RANBP10: variants seen among roughly 807,000 people sequenced by gnomAD.
RANBP10 encodes ran-binding protein 10.
A neutral mutation model predicts 72.8 loss-of-function variants in RANBP10; 24 were observed. The observed-to-expected ratio is 0.33, with a 90% CI of 0.24 to 0.46. The LOEUF (loss-of-function observed/expected upper bound fraction) is 0.46. Ranked by LOEUF, RANBP10 falls within the 20% of genes least tolerant of loss-of-function variation. The pLI is 1.00. For synonymous variants in RANBP10, 310 were observed against 322.3 expected, an observed-to-expected ratio of 0.96 and a Z score of 0.41; for missense variants, 679 against 817.5, an observed-to-expected ratio of 0.83 and a Z score of 2.07.
rs766562827 is a variant in RANBP10 at position 67,806,284 on chromosome 16, A to T, written c.235+18T>A. On this transcript the variant is annotated intron_variant, in intron 1 of 13. Coordinates refer to ENST00000317506, the MANE Select transcript of RANBP10 (RefSeq NM_020850.3). Reference sequence around the variant, plus strand: ...GGACGCTCTAGCCTTAATTCCCCCCAGCCTGACGGGCCGATACCTTTGTAG... The same window carrying T: ...GGACGCTCTAGCCTTAATTCCCCCCTGCCTGACGGGCCGATACCTTTGTAG... 3 of 1,595,914 alleles carry T rather than the reference A, an allele frequency of 1.9e-6. No homozygotes were observed. The highest frequency in any genetic ancestry group is 1.7e-6 in the Non-Finnish European group (2 of 1,170,224).
intron 3 of RANBP10, among the ~76,000 whole-genome samples, chr16:67,755,378 G>T (rs1445427571): frequency 2.6e-5 from 4 of 152,160 alleles, no homozygotes; most frequent in African/African-American, 9.7e-5. Flanking sequence ...GGACTGGGAT[G>T]TGAGGGCCAG....
intron 2 of RANBP10, among the ~76,000 whole-genome samples, chr16:67,797,075 G>T (rs2055147286): frequency 6.6e-6 from 1 of 152,118 alleles, no homozygotes; most frequent in Non-Finnish European, 1.5e-5. Context: ...CACAGTGCCT[G>T]CCACATGGGG....
intron 2 of RANBP10, among the ~76,000 whole-genome samples, chr16:67,775,660 G>A (rs988989879): frequency 6.6e-6 from 1 of 151,790 alleles, no homozygotes; most frequent in East Asian, 1.9e-4. Flanking sequence ...AAAAAATTAG[G>A]TGGGCATGGT....
intron 2 of RANBP10, among the ~76,000 whole-genome samples, chr16:67,776,283 A>C (rs2054703459): frequency 6.6e-6 from 1 of 151,566 alleles, no homozygotes. Context: ...CAACATGGTA[A>C]AAACCAATCT....
At chr16:67,759,197 C>T (rs1342042566) in intron 3 of RANBP10, among the ~76,000 whole-genome samples, 4 of 152,352 alleles carry the variant, frequency 2.6e-5, no homozygotes, top group Admixed American at 2.6e-4. Flanking sequence ...AGGCCTGGGA[C>T]GTCTACTCCT....
At chr16:67,803,170 T>C (rs1486253919) in intron 2 of RANBP10, among the ~76,000 whole-genome samples, 2 of 152,110 alleles carry the variant, frequency 1.3e-5, no homozygotes. Context: ...AAGGTGAAAA[T>C]AGGAGCTTTG....
At chr16:67,766,571 C>T (rs1445183774) in intron 3 of RANBP10, among the ~76,000 whole-genome samples, 1 of 152,126 alleles carries the variant, frequency 6.6e-6, no homozygotes, top group Non-Finnish European at 1.5e-5. Context: ...ACTGCTCTCT[C>T]TAGCCATGTG....
At chr16:67,798,049 T>C (rs1231049861) in intron 2 of RANBP10, among the ~76,000 whole-genome samples, 1 of 150,590 alleles carries the variant, frequency 6.6e-6, no homozygotes, top group Non-Finnish European at 1.5e-5. Context: ...TCCAGTTCTC[T>C]TACCCCGTGT....
intron 6 of RANBP10, 98 bp from the exon 7 acceptor site, chr16:67,731,682 C>T (rs2053736294): frequency 1.2e-6 from 1 of 806,992 alleles, no homozygotes; most frequent in Admixed American, 2.7e-5. Context: ...AGAGGTCTCC[C>T]TAAACACGTC....
At chr16:67,731,671 C>CA in intron 6 of RANBP10, 87 bp from the exon 7 acceptor site, 1 of 929,932 alleles carries the variant, frequency 1.1e-6, no homozygotes. Flanking sequence ...TTACCTCCCC[C>CA]AGAGGTCTCC....
At chr16:67,791,197 T>C (rs7404040) in intron 2 of RANBP10, among the ~76,000 whole-genome samples, 2 of 151,836 alleles carry the variant, frequency 1.3e-5, no homozygotes, top group East Asian at 1.9e-4. Flanking sequence ...GTATCTTTAG[T>C]AGAGACAGGG....
intron 3 of RANBP10, among the ~76,000 whole-genome samples, chr16:67,753,773 G>A (rs2054238124): frequency 1.3e-5 from 2 of 152,104 alleles, no homozygotes; most frequent in Admixed American, 1.3e-4. Flanking sequence ...CAGCTAATGT[G>A]AGAGGAAAAA....
chr16:67,725,194 C>T lies in RANBP10; in HGVS notation c.*1234G>A, dbSNP rs1389546053. 2 of 152,616 alleles carry T rather than the reference C, an allele frequency of 1.3e-5. No homozygotes were observed. Among genetic ancestry groups the T allele is most frequent in the African/African-American group, 4.8e-5 (2 of 41,464 alleles). 9.5% of individuals were successfully genotyped at this position (152,616 alleles called of 1,614,324 possible). A position where few individuals can be genotyped will look rare whatever the true frequency, so the allele number is the denominator to read the frequency against. ...TTTCCTAAGAGTGGCTAGGGCCCAG[C>T]TGCAGGGAGCTGTCTGGCACAGTGG... On this transcript the variant is annotated 3_prime_UTR_variant, in exon 14 of 14. Transcript: ENST00000317506.
chr16:67,739,404 T>C (rs138753177), intron 4 of RANBP10, among the ~76,000 whole-genome samples: 1 of 152,278 alleles, frequency 6.6e-6, no homozygotes, highest in Non-Finnish European at 1.5e-5. Flanking sequence ...GTGGTGGGGC[T>C]GGATTTGTTC....
At chr16:67,750,087 C>A (rs1302200765) in intron 3 of RANBP10, among the ~76,000 whole-genome samples, 1 of 152,244 alleles carries the variant, frequency 6.6e-6, no homozygotes, top group Non-Finnish European at 1.5e-5. Context: ...TGGCACAGCA[C>A]AACAGATGTT....
intron 2 of RANBP10, among the ~76,000 whole-genome samples, chr16:67,783,956 G>A (rs1476135486): frequency 6.6e-6 from 1 of 150,446 alleles, no homozygotes; most frequent in African/African-American, 2.4e-5. Context: ...AGGCAGAGAA[G>A]TGTTTGAACC....
At chr16:67,792,044 CAA>C (rs567961558) in intron 2 of RANBP10, among the ~76,000 whole-genome samples, 12 of 79,170 alleles carry the variant, frequency 1.5e-4, no homozygotes, top group Middle Eastern at 7.5e-3. Flanking sequence ...GACTCCGTCT[CAA>C]AAAAAAAAAA....
intron 3 of RANBP10, among the ~76,000 whole-genome samples, chr16:67,760,008 G>A (rs1209792455): frequency 6.6e-6 from 1 of 152,042 alleles, no homozygotes; most frequent in Non-Finnish European, 1.5e-5. Flanking sequence ...GCTGAAGCAG[G>A]GGAATGGCGT....
chr16:67,766,497 A>T (rs1257917696), intron 3 of RANBP10, among the ~76,000 whole-genome samples: 3 of 152,086 alleles, frequency 2.0e-5, no homozygotes, highest in Non-Finnish European at 4.4e-5. Flanking sequence ...GTGCCCTCCC[A>T]GCGGTAATTA....
Sources: allele counts gnomAD v4.1 joint callset (sites outside exome capture counted in the v4.1 genomes callset), GRCh38; gene constraint gnomAD v4.1.1; transcripts MANE v1.5; gene names NCBI Gene and HGNC (gene_info 2026-07-23, HGNC 2026-07-21).